The following ITGAE variants were observed in gnomAD, a reference collection of about 807,000 sequenced individuals.
ITGAE encodes integrin alpha-E.
Under a neutral mutation model 136.5 loss-of-function variants are expected in ITGAE, and 99 were observed. The observed-to-expected ratio is 0.73, with a 90% CI of 0.62 to 0.86. The LOEUF (loss-of-function observed/expected upper bound fraction) is 0.86, where lower values mean the gene tolerates loss of function less well. ITGAE is among the 40% of genes least tolerant of loss of function. The probability of loss-of-function intolerance (pLI) is 0.00; values close to 1 mark genes in which losing one functional copy is unlikely to be tolerated. For synonymous variants in ITGAE, 613 were observed against 591.8 expected, an observed-to-expected ratio of 1.04 and a Z score of -0.52; for missense variants, 1,447 against 1,515.3, an observed-to-expected ratio of 0.95 and a Z score of 0.75.
chr17:3,759,138 A>AC (rs969948693), intron 8 of ITGAE, among the ~76,000 whole-genome samples: 5 of 149,378 alleles, frequency 3.3e-5, no homozygotes, highest in African/African-American at 7.4e-5. Flanking sequence ...AAAAAAAACA[A>AC]AAAAAAAAAA....
intron 22 of ITGAE, 23 bp from the exon 23 acceptor site, chr17:3,731,206 G>A: frequency 1.3e-6 from 2 of 1,590,832 alleles, no homozygotes; most frequent in Non-Finnish European, 1.7e-6. Flanking sequence ...GGGAAAAATG[G>A]TCAGTTGATT....
rs140561075 is a variant in ITGAE, at chr17:3,737,865, T to A, written c.2522+1940A>T. ...GAAAGAGAAGCGTTTGCTTGCTATG[T>A]ACACTAGGGGGCGATGTAGGGCAAG... On this transcript the variant is annotated intron_variant, in intron 20 of 30. Coordinates refer to ENST00000263087, the MANE Select transcript of ITGAE (RefSeq NM_002208.5). Among the ~76,000 whole-genome samples, 664 of 152,244 alleles carry A rather than the reference T, an allele frequency of 4.4e-3. 6 individuals carry two copies. Among genetic ancestry groups the A allele is most frequent in the African/African-American group, 0.015 (624 of 41,540 alleles).
At position 3,777,643 on chromosome 17, in the gene ITGAE, C is replaced by T. The variant is rs201123134; in HGVS notation, c.52G>A (p.Ala18Thr). The change falls in exon 2 of 31, where the codon GCT (alanine) becomes ACT (threonine). Residue 18 changes from alanine (A) to threonine (T), a missense_variant. Transcript: ENST00000263087. ...LCIASLALLA[A>T]FNVDVARPWL... The stretch of plus-strand genomic sequence containing the variant: ...GGCCGGGCCACATCCACATTGAAAG[C>T]GGCCAGCAGGGCCAGGCCTGTAGGG... 1.8e-5 allele frequency: 29 copies of T among 1,613,124 alleles called. No homozygotes were observed. The highest frequency in any genetic ancestry group is 1.3e-4 in the African/African-American group (10 of 75,036).
chr17:3,740,863 G>A (rs1386825422), intron 19 of ITGAE, among the ~76,000 whole-genome samples: 1 of 152,146 alleles, frequency 6.6e-6, no homozygotes, highest in Admixed American at 6.5e-5. Context: ...TCCTCGGCTG[G>A]AGAGCCTCTG....
Position 3,732,435 on chromosome 17 carries a change from G to A in ITGAE, c.2687C>T (p.Pro896Leu), listed in dbSNP as rs777567774. The A allele has an allele frequency of 3.1e-6, 5 of 1,614,034 alleles. No individual in the cohort carries two copies. Among genetic ancestry groups the A allele is most frequent in the Admixed American group, 1.7e-5 (1 of 60,000 alleles). Reference protein sequence around the residue: ...PPSPNIQCDDPQPVASVLIMN... With the variant: ...PPSPNIQCDDLQPVASVLIMN... The stretch of plus-strand genomic sequence containing the variant: ...GATCAGGACAGAAGCAACCGGCTGA[G>A]GGTCATCACACTGAATGTTTGGAGA... The change falls in exon 22 of 31, where the codon CCT (proline) becomes CTT (leucine). Residue 896 changes from proline (P) to leucine (L), a missense_variant. By Grantham distance (98) the Pro-to-Leu change is moderately conservative (BLOSUM62 -3). Transcript: ENST00000263087.
intron 2 of ITGAE, among the ~76,000 whole-genome samples, chr17:3,774,006 T>G (rs945366962): frequency 5.9e-5 from 9 of 152,248 alleles, no homozygotes; most frequent in African/African-American, 2.2e-4. Flanking sequence ...GAATGTCAAA[T>G]ATACATTTCA....
chr17:3,762,606 T>C (rs2052200875), intron 3 of ITGAE, among the ~76,000 whole-genome samples: 1 of 145,676 alleles, frequency 6.9e-6, no homozygotes, highest in African/African-American at 2.6e-5. Flanking sequence ...TTTTTTTTTT[T>C]TTTTTTTTTG....
rs117834637 is a variant in ITGAE at position 3,778,795 on chromosome 17, G to C, written c.35-1135C>G. 1.5e-3 allele frequency among the ~76,000 whole-genome samples: 229 copies of C among 152,198 alleles called. 6 individuals carry two copies. The East Asian group carries it at 0.035, about 23-fold the overall frequency. ...CTAATTCTTTCACCATAAACAACTA[G>C]AATACTGGACAAAACCTATAAAATG... On this transcript the variant is annotated intron_variant, in intron 1 of 30. Transcript: ENST00000263087.
chr17:3,795,884 C>A (rs2053059989), intron 1 of ITGAE, among the ~76,000 whole-genome samples: 1 of 135,842 alleles, frequency 7.4e-6, no homozygotes, highest in African/African-American at 2.9e-5. Context: ...TGTGCGTGTG[C>A]ATCCGTGTGT....
rs768296141 is a variant in ITGAE at position 3,757,687 on chromosome 17, C to T, written c.1020+19G>A. On this transcript the variant is annotated intron_variant, in intron 9 of 30. Coordinates refer to ENST00000263087, the MANE Select transcript of ITGAE (RefSeq NM_002208.5). ...GGCTGTGCAGGTTCAGGAGGTGTCT[C>T]CCGGCTCCTGGCTCTTACCCCAATG... 3 of 1,612,324 alleles carry T rather than the reference C, an allele frequency of 1.9e-6. No individual in the cohort carries two copies. The East Asian group carries it at 6.7e-5, about 36-fold the overall frequency.
intron 23 of ITGAE, among the ~76,000 whole-genome samples, chr17:3,730,894 T>G (rs1278206434): frequency 6.6e-6 from 1 of 152,188 alleles, no homozygotes. Context: ...AGTTTTACTT[T>G]GTGTGTGAAC....
chr17:3,742,404 C>G, intron 19 of ITGAE, among the ~76,000 whole-genome samples: 1 of 150,374 alleles, frequency 6.7e-6, no homozygotes, highest in East Asian at 1.9e-4. Flanking sequence ...GATTATTGTA[C>G]TATGTTAAGA....
rs763060263 is a variant in ITGAE at position 3,757,807 on chromosome 17, TGAC to T, written c.916_918del (p.Val306del). On this transcript the variant is annotated inframe_deletion, in exon 9 of 31. Coordinates refer to ENST00000263087, the MANE Select transcript of ITGAE (RefSeq NM_002208.5). ...ATGCCACCATCGGTGAGCACCACCA[TGAC>T]CTTGGATGCCTTTCTCCTGGAGCCG... 2.8e-4 allele frequency: 447 copies of T among 1,614,164 alleles called. No homozygotes were observed. Among genetic ancestry groups the T allele is most frequent in the Non-Finnish European group, 3.7e-4 (432 of 1,180,018 alleles).
chr17:3,714,763 T>C lies in ITGAE; in HGVS notation c.*84A>G, dbSNP rs2050911639. 1 of 764,442 alleles carries C rather than the reference T, an allele frequency of 1.3e-6. No homozygotes were observed. Among genetic ancestry groups the C allele is most frequent in the African/African-American group, 1.7e-5 (1 of 57,558 alleles). The allele number at this position is 764,442 out of a possible 1,614,324, so 47.4% of individuals were successfully genotyped here. On this transcript the variant is annotated 3_prime_UTR_variant, in exon 31 of 31. Coordinates refer to ENST00000263087, the MANE Select transcript of ITGAE (RefSeq NM_002208.5). ...AACAGCTCCATGCTGCTCTAGATCA[T>C]CCTGAAGGAAAAAGTAATGCAAAGG...
chr17:3,761,155 T>C lies in ITGAE; in HGVS notation c.456A>G (p.Ala152=). The change falls in exon 6 of 31, where the codon GCA becomes GCG. Residue 152 remains alanine (A), a synonymous_variant. Transcript: ENST00000263087. ...TGTAGCAGTCTCCAGTGTCCACACGTGCATCTGGATCCAGGAGATTTTCTT... is the reference window on the plus strand; with the variant it reads ...TGTAGCAGTCTCCAGTGTCCACACGCGCATCTGGATCCAGGAGATTTTCTT... ...FDLENLLDPD[A]RVDTGDCYSN... The C allele has an allele frequency of 6.2e-7, 1 of 1,610,674 alleles. No individual in the cohort carries two copies.
chr17:3,741,068 G>GTTTTTTTTTT (rs1447955211), intron 19 of ITGAE, among the ~76,000 whole-genome samples: 2 of 110,512 alleles, frequency 1.8e-5, no homozygotes, highest in African/African-American at 6.7e-5. Flanking sequence ...GTTTTTTGTT[G>GTTTTTTTTTT]TATTTTTTTT....
At chr17:3,778,046 A>G (rs1036390968) in intron 1 of ITGAE, among the ~76,000 whole-genome samples, 1 of 152,070 alleles carries the variant, frequency 6.6e-6, no homozygotes, top group Admixed American at 6.6e-5. Context: ...TGTATGTTCT[A>G]TGTACCCCCT....
intron 30 of ITGAE, among the ~76,000 whole-genome samples, chr17:3,715,834 G>C (rs1215021595): frequency 1.3e-5 from 2 of 152,080 alleles, no homozygotes; most frequent in Non-Finnish European, 2.9e-5. Flanking sequence ...CTGAGCTCCA[G>C]CTTGGGGGAC....
intron 8 of ITGAE, among the ~76,000 whole-genome samples, chr17:3,758,949 C>A (rs1032775476): frequency 6.6e-6 from 1 of 151,434 alleles, no homozygotes; most frequent in South Asian, 2.1e-4. Flanking sequence ...CATGGTGAAA[C>A]CCCACCTCTA....
Sources: gnomAD v4.1 joint callset for allele counts (sites outside exome capture counted in the v4.1 genomes callset) on GRCh38, gnomAD v4.1.1 for gene constraint, MANE v1.5 for transcripts, NCBI Gene and HGNC (gene_info 2026-07-23, HGNC 2026-07-21) for gene names.